FANK1: variants seen among roughly 807,000 people sequenced by gnomAD.
The protein encoded by FANK1 is fibronectin type III and ankyrin repeat domains 1, also known as fibronectin type 3 and ankyrin repeat domains protein 1.
FANK1 carries 44 observed loss-of-function variants against 45.3 expected under a neutral mutation model. The observed-to-expected ratio is 0.97, with a 90% CI of 0.76 to 1.25. FANK1 has a LOEUF of 1.25. Among genes scored for constraint, FANK1 ranks in the 50% most tolerant of loss-of-function variants. FANK1 has a pLI of 0.00. For synonymous variants in FANK1, 149 were observed against 152.5 expected, an observed-to-expected ratio of 0.98 and a Z score of 0.17; for missense variants, 391 against 424.4, an observed-to-expected ratio of 0.92 and a Z score of 0.69.
chr10:125,944,285 GATTA>G (rs1948632373), intron 1 of FANK1, among the ~76,000 whole-genome samples: 2 of 152,042 alleles, frequency 1.3e-5, no homozygotes, highest in South Asian at 4.1e-4. Flanking sequence ...CCCTTATTTT[GATTA>G]ATTCTCCATG....
intron 1 of FANK1, among the ~76,000 whole-genome samples, chr10:125,941,128 T>C (rs1948428021): frequency 6.6e-6 from 1 of 152,142 alleles, no homozygotes; most frequent in Non-Finnish European, 1.5e-5. Flanking sequence ...TTCACAAAGG[T>C]AAACTGTAAA....
At chr10:125,928,657 T>C (rs541642084) in intron 1 of FANK1, among the ~76,000 whole-genome samples, 4 of 152,194 alleles carry the variant, frequency 2.6e-5, no homozygotes, top group South Asian at 4.1e-4. Flanking sequence ...TTCTGATAGA[T>C]GTATAGTAGT....
At chr10:125,957,995 T>C (rs555213864) in intron 1 of FANK1, among the ~76,000 whole-genome samples, 2 of 152,148 alleles carry the variant, frequency 1.3e-5, no homozygotes, top group African/African-American at 4.8e-5. Context: ...GTGCATAAAG[T>C]GTACAGTGAT....
Position 126,002,825 on chromosome 10 carries a change from C to T in FANK1, c.540-2059C>T, listed in dbSNP as rs948187033. 2.0e-5 allele frequency among the ~76,000 whole-genome samples: 3 copies of T among 148,322 alleles called. No homozygotes were observed. The East Asian group carries it at 6.0e-4, about 30-fold the overall frequency. On this transcript the variant is annotated intron_variant, in intron 6 of 10. Transcript: ENST00000368693. ...TTCTGAAATTAGTAGATAGCATAACCCTTCACCCCTCAATACGTCAGAAAA... is the reference window on the plus strand; with the variant it reads ...TTCTGAAATTAGTAGATAGCATAACTCTTCACCCCTCAATACGTCAGAAAA...
chr10:126,009,521 T>TG lies in FANK1; in HGVS notation c.*89dup. 7.1e-7 allele frequency: 1 copy of TG among 1,414,512 alleles called. No homozygotes were observed. Among genetic ancestry groups the TG allele is most frequent in the Non-Finnish European group, 9.8e-7 (1 of 1,016,082 alleles). The allele number at this position is 1,414,512 out of a possible 1,614,324, so 87.6% of individuals were successfully genotyped here. On this transcript the variant is annotated 3_prime_UTR_variant, in exon 11 of 11. Coordinates refer to ENST00000368693, the MANE Select transcript of FANK1 (RefSeq NM_145235.5). ...ACTAGGGATGGGAAATTCTGCATCT[T>TG]GGGGGGCTGTACATTTATTTATTTA...
intron 1 of FANK1, among the ~76,000 whole-genome samples, chr10:125,920,857 TGGGAGA>T (rs1344766668): frequency 1.3e-5 from 2 of 152,396 alleles, no homozygotes; most frequent in Non-Finnish European, 2.9e-5. Context: ...ACAACAAATT[TGGGAGA>T]TACCTATATG....
chr10:125,979,178 C>G (rs1951038478), intron 1 of FANK1, among the ~76,000 whole-genome samples: 1 of 152,070 alleles, frequency 6.6e-6, no homozygotes, highest in Non-Finnish European at 1.5e-5. Flanking sequence ...GGGCCATTGT[C>G]CTGTCTTGCT....
chr10:125,958,151 T>C (rs1208109464), intron 1 of FANK1, among the ~76,000 whole-genome samples: 1 of 152,224 alleles, frequency 6.6e-6, no homozygotes, highest in East Asian at 1.9e-4. Context: ...TAATTCCTCC[T>C]ATCTAGCTGT....
intron 1 of FANK1, among the ~76,000 whole-genome samples, chr10:125,929,642 A>G (rs551139385): frequency 1.3e-5 from 2 of 152,092 alleles, no homozygotes; most frequent in Admixed American, 1.3e-4. Flanking sequence ...TCTGGAAGGG[A>G]TTTTTATGTA....
At chr10:125,954,047 C>T (rs906510341) in intron 1 of FANK1, among the ~76,000 whole-genome samples, 32 of 152,344 alleles carry the variant, frequency 2.1e-4, no homozygotes, top group Non-Finnish European at 4.0e-4. Context: ...TTATCCCTAA[C>T]ACAGTGTGTC....
chr10:125,945,805 GACAA>G (rs1447924627), intron 1 of FANK1, among the ~76,000 whole-genome samples: 25 of 152,340 alleles, frequency 1.6e-4, no homozygotes, highest in South Asian at 4.1e-4. Context: ...GCAGGGCACA[GACAA>G]ACAAAAAGAC....
chr10:125,991,995 A>G (rs1951978622), intron 3 of FANK1, among the ~76,000 whole-genome samples: 1 of 152,212 alleles, frequency 6.6e-6, no homozygotes, highest in African/African-American at 2.4e-5. Flanking sequence ...AGCATGGGCT[A>G]ACATCCTCAC....
At chr10:125,942,255 GAACA>G in intron 1 of FANK1, among the ~76,000 whole-genome samples, 1 of 152,272 alleles carries the variant, frequency 6.6e-6, no homozygotes, top group South Asian at 2.1e-4. Context: ...AAGGAAACTT[GAACA>G]AAAAGTCACA....
Position 126,008,550 on chromosome 10 carries a change from G to A in FANK1, c.849G>A (p.Met283Ile). ...ACAGAAATGGAAAGACGCCCCTTATGGTAGGTCCTCCTCCCGAAAATAGGC... is the reference window on the plus strand; with the variant it reads ...ACAGAAATGGAAAGACGCCCCTTATAGTAGGTCCTCCTCCCGAAAATAGGC... Reference protein sequence around the residue: ...VKDRNGKTPLMVAVLNNHEEL... With the variant: ...VKDRNGKTPLIVAVLNNHEEL... Residue 283 changes from methionine (M) to isoleucine (I), a missense_variant and splice_region_variant, in exon 8 of 11, where the codon ATG (methionine) becomes ATA (isoleucine). Met to Ile is a conservative substitution (Grantham distance 10). Coordinates refer to ENST00000368693, the MANE Select transcript of FANK1 (RefSeq NM_145235.5). 7 of 1,604,494 alleles carry A rather than the reference G, an allele frequency of 4.4e-6. No homozygotes were observed. Among genetic ancestry groups the A allele is most frequent in the Non-Finnish European group, 5.9e-6 (7 of 1,177,110 alleles).
intron 1 of FANK1, among the ~76,000 whole-genome samples, chr10:125,924,029 T>G (rs920703565): frequency 1.3e-5 from 2 of 152,054 alleles, no homozygotes; most frequent in Non-Finnish European, 2.9e-5. Context: ...GGTGGGAGGA[T>G]CGCTTGAGCC....
chr10:125,946,306 C>A (rs1388707163), intron 1 of FANK1, among the ~76,000 whole-genome samples: 2,849 of 149,328 alleles, frequency 0.019, 90 homozygotes, highest in African/African-American at 0.066. Context: ...GATCAAATTA[C>A]TCTGAGCTAC....
chr10:125,969,771 T>G (rs1453977050), intron 1 of FANK1, among the ~76,000 whole-genome samples: 1 of 152,132 alleles, frequency 6.6e-6, no homozygotes, highest in Non-Finnish European at 1.5e-5. Context: ...GAGGACCCTG[T>G]GGCCTTCCCC....
chr10:125,999,823 C>T (rs1432254227), intron 6 of FANK1, among the ~76,000 whole-genome samples: 3 of 152,110 alleles, frequency 2.0e-5, no homozygotes, highest in Non-Finnish European at 4.4e-5. Flanking sequence ...ATGGTAAATA[C>T]AGATATATTT....
intron 1 of FANK1, among the ~76,000 whole-genome samples, chr10:125,950,453 G>A (rs553401641): frequency 0.016 from 2,490 of 151,054 alleles, 81 homozygotes; most frequent in African/African-American, 0.055. Flanking sequence ...AAAAGTGGGC[G>A]AAGGACATGA....
Sources: allele counts gnomAD v4.1 joint callset (sites outside exome capture counted in the v4.1 genomes callset), GRCh38; gene constraint gnomAD v4.1.1; transcripts MANE v1.5; gene names NCBI Gene and HGNC (gene_info 2026-07-23, HGNC 2026-07-21).